The following CFAP251 variants were observed in gnomAD, a reference collection of about 807,000 sequenced individuals.
CFAP251 encodes the protein cilia- and flagella-associated protein 251.
In CFAP251, 93 loss-of-function variants were observed where a neutral mutation model predicts 126.7. The observed-to-expected ratio is 0.73, with a 90% CI of 0.62 to 0.87. The LOEUF is 0.87. Among genes scored for constraint, CFAP251 ranks in the 40% least tolerant of loss-of-function variants. The pLI is 0.00. For synonymous variants in CFAP251, 503 were observed against 506.9 expected (o/e 0.99, Z 0.10); for missense variants, 1,287 against 1,389.2 (o/e 0.93, Z 1.17).
chr12:121,925,554 G>A (rs1056787857), intron 3 of CFAP251, among the ~76,000 whole-genome samples: 3 of 152,200 alleles, frequency 2.0e-5, no homozygotes, highest in African/African-American at 4.8e-5. Flanking sequence ...CTTCATTTGA[G>A]CCCCGTGTGA....
chr12:121,980,638 G>A lies in CFAP251; in HGVS notation c.3006+4953G>A, dbSNP rs928376426. 2.0e-5 allele frequency among the ~76,000 whole-genome samples: 3 copies of A among 152,188 alleles called. No homozygotes were observed. In the South Asian group the frequency reaches 6.2e-4, roughly 32 times the overall value. On this transcript the variant is annotated intron_variant, in intron 19 of 21. Transcript: ENST00000288912. ...GCTGGGATTCTAGGCATGAGCCACC[G>A]CTCCCTGACCTCATTTCCTTCTCAT...
intron 19 of CFAP251, among the ~76,000 whole-genome samples, chr12:121,984,147 CTAGT>C (rs570245126): frequency 2.1e-3 from 326 of 152,278 alleles, no homozygotes; most frequent in Middle Eastern, 3.4e-3. Context: ...GGATTTGAAG[CTAGT>C]TAGTGTGGTA....
chr12:121,984,733 T>C (rs1882705225), intron 19 of CFAP251, among the ~76,000 whole-genome samples: 1 of 152,234 alleles, frequency 6.6e-6, no homozygotes, highest in African/African-American at 2.4e-5. Flanking sequence ...TCTTTATAAA[T>C]GTGTCTTTTC....
chr12:121,994,042 C>T (rs1359941002), intron 19 of CFAP251, among the ~76,000 whole-genome samples: 3 of 108,632 alleles, frequency 2.8e-5, no homozygotes, highest in African/African-American at 1.0e-4. Flanking sequence ...TCAGCCCCCC[C>T]GCCTGGCCAG....
At chr12:121,996,216 G>T (rs1883019152) in intron 19 of CFAP251, among the ~76,000 whole-genome samples, 1 of 152,208 alleles carries the variant, frequency 6.6e-6, no homozygotes, top group Non-Finnish European at 1.5e-5. Flanking sequence ...AAAGTAGAAT[G>T]CCTGTTCTTT....
intron 7 of CFAP251, among the ~76,000 whole-genome samples, chr12:121,946,764 A>G (rs1374857930): frequency 6.6e-6 from 1 of 150,786 alleles, no homozygotes; most frequent in Non-Finnish European, 1.5e-5. Flanking sequence ...TTTTTTTTAG[A>G]GATGGGGTCT....
chr12:121,943,674 C>T (rs1881215149), intron 7 of CFAP251, among the ~76,000 whole-genome samples: 1 of 152,252 alleles, frequency 6.6e-6, no homozygotes, highest in South Asian at 2.1e-4. Flanking sequence ...ATCTCCCCAC[C>T]TTGTCCTCCC....
At chr12:121,971,345 G>A (rs1162006437) in intron 17 of CFAP251, among the ~76,000 whole-genome samples, 3 of 152,234 alleles carry the variant, frequency 2.0e-5, no homozygotes, top group African/African-American at 4.8e-5. Context: ...GAATACCCAG[G>A]TTCCTCAGAC....
At chr12:121,962,909 C>T (rs992317134) in intron 15 of CFAP251, among the ~76,000 whole-genome samples, 7 of 151,900 alleles carry the variant, frequency 4.6e-5, no homozygotes, top group Admixed American at 2.6e-4. Context: ...GGAAATGCCG[C>T]GAAGGCTGGT....
rs188991042 is a variant in CFAP251, at chr12:121,989,955, A to G, written c.3007-9761A>G. On this transcript the variant is annotated intron_variant, in intron 19 of 21. Transcript: ENST00000288912. The surrounding 1 kb of genome is among the most constrained non-coding windows in gnomAD (Gnocchi z 4.2). Reference sequence around the variant, plus strand: ...ACAGACCCAAAGGCCTGCGTCATCAATGACAGAGGCAGAAATAAGATGCTC... The same window carrying G: ...ACAGACCCAAAGGCCTGCGTCATCAGTGACAGAGGCAGAAATAAGATGCTC... Among the ~76,000 whole-genome samples, 406 of 152,300 alleles carry G rather than the reference A, an allele frequency of 2.7e-3. No individual in the cohort carries two copies. The highest frequency in any genetic ancestry group is 4.8e-3 in the Non-Finnish European group (329 of 68,018).
intron 5 of CFAP251, 65 bp from the exon 6 acceptor site, chr12:121,942,469 C>A: frequency 8.4e-7 from 1 of 1,197,558 alleles, no homozygotes; most frequent in Non-Finnish European, 1.2e-6. Flanking sequence ...TCAGACCTGC[C>A]CTGGGACTCT....
At chr12:121,993,810 C>A (rs1260004871) in intron 19 of CFAP251, among the ~76,000 whole-genome samples, 1 of 141,954 alleles carries the variant, frequency 7.0e-6, no homozygotes, top group Admixed American at 7.0e-5. Flanking sequence ...GGGTCAGCCC[C>A]CCGCCCGGCC....
intron 5 of CFAP251, among the ~76,000 whole-genome samples, chr12:121,936,808 G>A (rs1046512998): frequency 2.0e-4 from 31 of 152,144 alleles, no homozygotes; most frequent in Admixed American, 1.0e-3. Flanking sequence ...GTCCAGCCGT[G>A]CTGGGCAGGG....
At chr12:121,996,702 C>T (rs898273195) in intron 19 of CFAP251, among the ~76,000 whole-genome samples, 7 of 152,230 alleles carry the variant, frequency 4.6e-5, no homozygotes, top group African/African-American at 1.7e-4. Flanking sequence ...GAATGAACGT[C>T]TAAAAGATCT....
intron 4 of CFAP251, chr12:121,932,164 G>C (rs1191842303): frequency 1.4e-5 from 3 of 218,506 alleles, no homozygotes; most frequent in South Asian, 2.4e-4. Flanking sequence ...TGTGGACAGC[G>C]TAGATCATAT....
chr12:121,991,819 C>G (rs1471564800), intron 19 of CFAP251, among the ~76,000 whole-genome samples: 1 of 151,992 alleles, frequency 6.6e-6, no homozygotes, highest in Admixed American at 6.6e-5. Context: ...CAGTAGGAAC[C>G]CTGTTGCTAC....
At chr12:121,928,704 A>ATATATT (rs1414832664) in intron 3 of CFAP251, among the ~76,000 whole-genome samples, 1 of 60,350 alleles carries the variant, frequency 1.7e-5, no homozygotes, top group African/African-American at 4.0e-5. Flanking sequence ...ATATATATAT[A>ATATATT]TTTTTTTTTT....
chr12:121,996,613 G>A (rs776154758), intron 19 of CFAP251, among the ~76,000 whole-genome samples: 6 of 152,038 alleles, frequency 3.9e-5, no homozygotes, highest in African/African-American at 1.5e-4. Flanking sequence ...TTTCTCATTC[G>A]AGAAAAATTA....
chr12:121,931,203 G>C (rs57845241), intron 3 of CFAP251, among the ~76,000 whole-genome samples: 3,209 of 152,298 alleles, frequency 0.021, 106 homozygotes, highest in African/African-American at 0.074. Flanking sequence ...AGAAAAGGAA[G>C]TTATTTCTGT....
Sources: gnomAD v4.1 joint callset for allele counts (sites outside exome capture counted in the v4.1 genomes callset) on GRCh38, gnomAD v4.1.1 for gene constraint, Gnocchi (gnomAD v3.1) non-coding constraint, MANE v1.5 for transcripts, NCBI Gene and HGNC (gene_info 2026-07-23, HGNC 2026-07-21) for gene names.